The following GPC6 variants were observed in gnomAD, a reference collection of about 807,000 sequenced individuals.
GPC6 encodes glypican-6.
Under a neutral mutation model 55.2 loss-of-function variants are expected in GPC6, and 14 were observed. The observed-to-expected ratio is 0.25, with a 90% confidence interval of 0.17 to 0.40. The LOEUF (loss-of-function observed/expected upper bound fraction) is 0.40, where lower values mean the gene tolerates loss of function less well. GPC6 is among the 10% of genes least tolerant of loss of function. The pLI is 1.00. For missense variants in GPC6, 641 were observed against 708.5 expected (o/e 0.90, Z 1.08); for synonymous variants, 278 against 259.6 (o/e 1.07, Z -0.68).
chr13:93,860,985 G>A (rs1345329074), intron 3 of GPC6, among the ~76,000 whole-genome samples: 1 of 150,930 alleles, frequency 6.6e-6, no homozygotes, highest in African/African-American at 2.4e-5. Context: ...CCTTCTAGTT[G>A]GGGACTGTGT....
At chr13:93,438,115 C>G (rs947798652) in intron 1 of GPC6, among the ~76,000 whole-genome samples, 2 of 151,982 alleles carry the variant, frequency 1.3e-5, no homozygotes, top group Admixed American at 1.3e-4. Context: ...CTGAGACCTA[C>G]TGCTCAGAAA....
At chr13:93,798,013 A>G (rs1479844104) in intron 2 of GPC6, among the ~76,000 whole-genome samples, 1 of 152,194 alleles carries the variant, frequency 6.6e-6, no homozygotes, top group Admixed American at 6.5e-5. Flanking sequence ...AGGCAGTAGA[A>G]TAATGAATTG....
At chr13:93,934,148 T>C (rs569612120) in intron 3 of GPC6, among the ~76,000 whole-genome samples, 1 of 152,300 alleles carries the variant, frequency 6.6e-6, no homozygotes, top group East Asian at 1.9e-4. Context: ...GGTGTGGTTT[T>C]TAGAAAATAT....
In GPC6 at chr13:94,407,709, G is replaced by A. The variant is rs186157352; in HGVS notation, c.*4492G>A. ...CTGATGTCAATACTTTATAAATGAG[G>A]TCAGAAAATAAGATCAAATGTGAAA... On this transcript the variant is annotated 3_prime_UTR_variant, in exon 9 of 9. Transcript: ENST00000377047. Among the ~76,000 whole-genome samples the A allele has an allele frequency of 2.6e-5, 4 of 152,250 alleles. No homozygotes were observed. In the East Asian group the frequency reaches 7.7e-4, roughly 29 times the overall value.
chr13:93,392,623 G>A (rs1875674464), intron 1 of GPC6, among the ~76,000 whole-genome samples: 1 of 152,212 alleles, frequency 6.6e-6, no homozygotes, highest in Non-Finnish European at 1.5e-5. Flanking sequence ...GGAAGCTGGG[G>A]AACCAGACGG....
chr13:93,966,056 C>T (rs1025429365), intron 3 of GPC6, among the ~76,000 whole-genome samples: 2 of 152,166 alleles, frequency 1.3e-5, no homozygotes, highest in African/African-American at 4.8e-5. Flanking sequence ...AAACTCTGTG[C>T]TGTCACGTCT....
intron 1 of GPC6, among the ~76,000 whole-genome samples, chr13:93,393,127 T>TATATATATAGAGAG (rs1230857277): frequency 1.0e-4 from 9 of 87,620 alleles, no homozygotes; most frequent in African/African-American, 2.8e-4. Context: ...TATATATATA[T>TATATATATAGAGAG]AGAGAGAGAG....
intron 1 of GPC6, among the ~76,000 whole-genome samples, chr13:93,295,290 C>CAAAAAAAAA (rs67379652): frequency 1.2e-4 from 8 of 66,672 alleles, no homozygotes; most frequent in Non-Finnish European, 1.8e-4. Context: ...GACCCTGTCT[C>CAAAAAAAAA]AAAAAAAAAA....
At position 94,214,084 on chromosome 13, in the gene GPC6, G is replaced by A. The variant is rs925844208; in HGVS notation, c.878-72265G>A. Among the ~76,000 whole-genome samples, 4 of 152,176 alleles carry A rather than the reference G, an allele frequency of 2.6e-5. No individual in the cohort carries two copies. In the East Asian group the frequency reaches 7.7e-4, roughly 29 times the overall value. ...TCAGTCTCTTAGGATTTGAGTTTTG[G>A]ACTGAAGTTATCTAACTGTGAATAA... is the stretch of plus-strand genomic sequence containing the variant. On this transcript the variant is annotated intron_variant, in intron 4 of 8. Transcript: ENST00000377047.
intron 4 of GPC6, among the ~76,000 whole-genome samples, chr13:94,080,391 CAGAG>C (rs1329817847): frequency 1.3e-5 from 2 of 152,014 alleles, no homozygotes; most frequent in Admixed American, 6.6e-5. Flanking sequence ...ATACATAACA[CAGAG>C]AGATCTACTC....
chr13:93,871,015 T>C (rs896339346), intron 3 of GPC6, among the ~76,000 whole-genome samples: 3 of 151,884 alleles, frequency 2.0e-5, no homozygotes, highest in Admixed American at 2.0e-4. Flanking sequence ...CAGTTAAAAA[T>C]TTTTTCACCG....
intron 1 of GPC6, among the ~76,000 whole-genome samples, chr13:93,373,636 A>G (rs571455267): frequency 2.0e-5 from 3 of 152,324 alleles, no homozygotes; most frequent in Admixed American, 6.5e-5. Context: ...AGCAAAAAAT[A>G]TAGGTCAGAT....
At chr13:94,045,745 C>CAAAAAAAAAAA (rs541767325) in intron 4 of GPC6, among the ~76,000 whole-genome samples, 1 of 116,206 alleles carries the variant, frequency 8.6e-6, no homozygotes, top group African/African-American at 3.2e-5. Context: ...CATGGATTTT[C>CAAAAAAAAAAA]AAAAAAAAAA....
At chr13:94,084,886 A>G (rs2138802432) in intron 4 of GPC6, among the ~76,000 whole-genome samples, 1 of 152,274 alleles carries the variant, frequency 6.6e-6, no homozygotes, top group Non-Finnish European at 1.5e-5. Flanking sequence ...GGAGTTGGAA[A>G]TCTCATGGCA....
At chr13:94,150,404 C>T (rs1202448970) in intron 4 of GPC6, among the ~76,000 whole-genome samples, 1 of 152,068 alleles carries the variant, frequency 6.6e-6, no homozygotes, top group East Asian at 1.9e-4. Flanking sequence ...CTTTAGTTAG[C>T]TTTGAAGTCT....
intron 3 of GPC6, among the ~76,000 whole-genome samples, chr13:93,872,428 G>T (rs899881989): frequency 2.6e-5 from 4 of 151,912 alleles, no homozygotes; most frequent in African/African-American, 9.7e-5. Flanking sequence ...TGCAAATATG[G>T]CTTAAAACAA....
chr13:93,945,167 A>C, intron 3 of GPC6, among the ~76,000 whole-genome samples: 1 of 152,198 alleles, frequency 6.6e-6, no homozygotes, highest in East Asian at 1.9e-4. Context: ...ATATGTCTAA[A>C]CGTAGGTTTA....
intron 2 of GPC6, among the ~76,000 whole-genome samples, chr13:93,823,968 T>C (rs573257121): frequency 1.3e-5 from 2 of 152,316 alleles, no homozygotes; most frequent in Non-Finnish European, 2.9e-5. Context: ...CCCAAAGGAA[T>C]TATTGCTTAA....
intron 6 of GPC6, among the ~76,000 whole-genome samples, chr13:94,332,025 G>A (rs1877453835): frequency 6.6e-6 from 1 of 152,172 alleles, no homozygotes; most frequent in African/African-American, 2.4e-5. Flanking sequence ...TGCAAACTAT[G>A]AGGCAGTAAT....
Sources: allele counts gnomAD v4.1 joint callset (sites outside exome capture counted in the v4.1 genomes callset), GRCh38; gene constraint gnomAD v4.1.1; transcripts MANE v1.5; gene names NCBI Gene and HGNC (gene_info 2026-07-23, HGNC 2026-07-21).